The following BTN2A2 variants were observed in gnomAD, a reference collection of about 807,000 sequenced individuals.
BTN2A2 encodes the protein butyrophilin subfamily 2 member A2.
BTN2A2 carries 29 observed loss-of-function variants against 34.7 expected under a neutral mutation model. The ratio of observed to expected loss-of-function variants is 0.84; its 90% CI spans 0.62 to 1.14. The LOEUF (loss-of-function observed/expected upper bound fraction) is 1.14. Among genes scored for constraint, BTN2A2 ranks in the 50% most tolerant of loss-of-function variants. The pLI is 0.00. For missense variants in BTN2A2, 612 were observed against 651.5 expected, an observed-to-expected ratio of 0.94 and a Z score of 0.66; for synonymous variants, 240 against 253.1, an observed-to-expected ratio of 0.95 and a Z score of 0.49.
At position 26,385,240 on chromosome 6, in the gene BTN2A2, TC is replaced by T; in HGVS notation, c.321del (p.Asn108ThrfsTer86). The T allele has an allele frequency of 2.5e-6, 4 of 1,614,064 alleles. No individual in the cohort carries two copies. Among genetic ancestry groups the T allele is most frequent in the Non-Finnish European group, 3.4e-6 (4 of 1,180,018 alleles). ...AGAATCACCTTTGTGAGCAAAGACA[TC>T]AACAGGGGCAGCGTGGCCCTGGTCA... is the stretch of plus-strand genomic sequence containing the variant. ...RGRITFVSKD[I>X]NRGSVALVIH... On this transcript the variant is annotated frameshift_variant, in exon 3 of 8. Coordinates refer to ENST00000356709, the MANE Select transcript of BTN2A2 (RefSeq NM_006995.5). LOFTEE classifies it high-confidence loss of function.
In BTN2A2 at chr6:26,393,367, GGA is replaced by G; in HGVS notation, c.*406_*407del. On this transcript the variant is annotated 3_prime_UTR_variant, in exon 8 of 8. Coordinates refer to ENST00000356709, the MANE Select transcript of BTN2A2 (RefSeq NM_006995.5). ...CAACAGGGTTCACCAGGATGAGAGA[GGA>G]GAGAGGAATCCACAGGACCACCAGA... The G allele has an allele frequency of 8.6e-7, 1 of 1,166,326 alleles. No individual in the cohort carries two copies. The highest frequency in any genetic ancestry group is 1.1e-6 in the Non-Finnish European group (1 of 934,952). The allele number at this position is 1,166,326 out of a possible 1,614,324, so 72.2% of individuals were successfully genotyped here. A position where few individuals can be genotyped will look rare whatever the true frequency, so the allele number is the denominator to read the frequency against.
chr6:26,393,379 C>T lies in BTN2A2; in HGVS notation c.*412C>T. The T allele has an allele frequency of 3.5e-6, 4 of 1,147,330 alleles. No individual in the cohort carries two copies. Among genetic ancestry groups the T allele is most frequent in the Non-Finnish European group, 4.3e-6 (4 of 924,630 alleles). The allele number at this position is 1,147,330 out of a possible 1,614,324, so 71.1% of individuals were successfully genotyped here. A position where few individuals can be genotyped will look rare whatever the true frequency, so the allele number is the denominator to read the frequency against. ...CCAGGATGAGAGAGGAGAGAGGAAT[C>T]CACAGGACCACCAGAAGGGAGAGGG... On this transcript the variant is annotated 3_prime_UTR_variant, in exon 8 of 8. Transcript: ENST00000356709.
Position 26,384,982 on chromosome 6 carries a change from G to A in BTN2A2, c.95-33G>A, listed in dbSNP as rs73736235. On this transcript the variant is annotated intron_variant, in intron 2 of 7. Transcript: ENST00000356709. This position sits in a 1 kb window ranked among gnomAD's most constrained non-coding sequence, Gnocchi z 4.0. ...TTTTGCCTTAGAGTTGTGATAACTG[G>A]CATCCTTGTCTGATTCTGCCCTTGT... 10,067 of 1,588,726 alleles carry A rather than the reference G, an allele frequency of 6.3e-3. 59 individuals carry two copies. The highest frequency in any genetic ancestry group is 0.023 in the African/African-American group (1,736 of 74,254).
rs16891646 is a variant in BTN2A2 at position 26,392,830 on chromosome 6, C to T, written c.1435C>T (p.Pro479Ser). Residue 479 changes from proline to serine, a missense_variant, in exon 8 of 8, where the codon CCT becomes TCT. Coordinates refer to ENST00000356709, the MANE Select transcript of BTN2A2 (RefSeq NM_006995.5). Reference protein sequence around the residue: ...YTCPRSAFTVPVRPFFRLGSD... With the variant: ...YTCPRSAFTVSVRPFFRLGSD... ...ATGTCCCCGTTCAGCCTTTACTGTG[C>T]CTGTGAGGCCCTTCTTCAGGTTAGG... The T allele has an allele frequency of 5.1e-3, 8,163 of 1,614,182 alleles. 190 individuals are homozygous for T. In the African/African-American group the frequency reaches 0.065, roughly 13 times the overall value.
In BTN2A2 at chr6:26,394,534, G is replaced by C. The variant is rs1761772784; in HGVS notation, c.*1567G>C. The C allele has an allele frequency of 2.0e-6, 1 of 511,280 alleles. No individual in the cohort carries two copies. The highest frequency in any genetic ancestry group is 3.5e-6 in the Non-Finnish European group (1 of 288,144). The allele number at this position is 511,280 out of a possible 1,614,324, so 31.7% of individuals were successfully genotyped here. A position where few individuals can be genotyped will look rare whatever the true frequency, so the allele number is the denominator to read the frequency against. ...TGGACATCAGAACTCCTGGCTCTCC[G>C]GCCTTTGAACTTCAGGACTTGTACC... On this transcript the variant is annotated 3_prime_UTR_variant, in exon 8 of 8. Transcript: ENST00000356709.
At chr6:26,390,950 C>T in intron 7 of BTN2A2, 121 bp downstream of exon 7, 1 of 1,486,202 alleles carries the variant, frequency 6.7e-7, no homozygotes, top group Non-Finnish European at 9.4e-7. Flanking sequence ...GAACTGGGGT[C>T]AGTTCATCAA....
intron 4 of BTN2A2, 24 bp downstream of exon 4, chr6:26,388,318 C>G: frequency 6.2e-7 from 1 of 1,611,126 alleles, no homozygotes; most frequent in Non-Finnish European, 8.5e-7. Flanking sequence ...CCTCTGAGAC[C>G]TATCAAGTGT....
intron 3 of BTN2A2, among the ~76,000 whole-genome samples, chr6:26,386,766 T>C (rs765804599): frequency 2.0e-5 from 3 of 152,226 alleles, no homozygotes; most frequent in Non-Finnish European, 2.9e-5. Flanking sequence ...CTTAAATCTA[T>C]TGTGTCATGC....
At chr6:26,389,593 G>A (rs1203532143) in intron 4 of BTN2A2, among the ~76,000 whole-genome samples, 1 of 152,218 alleles carries the variant, frequency 6.6e-6, no homozygotes, top group Non-Finnish European at 1.5e-5. Context: ...GGAAGCATTG[G>A]AAGGTTTTGA....
At chr6:26,391,978 A>C in intron 7 of BTN2A2, 2 of 541,602 alleles carry the variant, frequency 3.7e-6, no homozygotes, top group Non-Finnish European at 6.6e-6. Context: ...GGGGAACAAT[A>C]GGAGATAAAG....
intron 7 of BTN2A2, 66 bp from the exon 8 acceptor site, chr6:26,392,309 A>T (rs1047310256): frequency 1.9e-6 from 3 of 1,612,158 alleles, no homozygotes; most frequent in Non-Finnish European, 2.5e-6. Flanking sequence ...TTCTCTGGGG[A>T]CCAGGAACCA....
In BTN2A2 at chr6:26,383,433, C is replaced by G; in HGVS notation, c.-31+252C>G. On this transcript the variant is annotated intron_variant, in intron 1 of 7. Transcript: ENST00000356709. This position sits in a 1 kb window ranked among gnomAD's most constrained non-coding sequence, Gnocchi z 4.4. ...GGGGACCTGGGAGACAGGAAGCCTA[C>G]TGGTGGGGAGGCGCAGCCTCGCCTG... The G allele has an allele frequency of 4.5e-6, 1 of 221,672 alleles. No homozygotes were observed. Among genetic ancestry groups the G allele is most frequent in the South Asian group, 6.2e-5 (1 of 16,040 alleles). 13.7% of individuals were successfully genotyped at this position (221,672 alleles called of 1,614,324 possible). A position where few individuals can be genotyped will look rare whatever the true frequency, so the allele number is the denominator to read the frequency against.
chr6:26,390,905 G>A, intron 7 of BTN2A2, 76 bp downstream of exon 7: 3 of 1,609,168 alleles, frequency 1.9e-6, no homozygotes, highest in Non-Finnish European at 2.5e-6. Flanking sequence ...TAGAGGAGAT[G>A]AGCAAGGGGC....
chr6:26,385,038 G>C lies in BTN2A2; in HGVS notation c.118G>C (p.Ala40Pro). Reference protein sequence around the residue: ...VSAQFTVVGPANPILAMVGEN... With the variant: ...VSAQFTVVGPPNPILAMVGEN... Reference sequence around the variant, plus strand: ...AGCCCAGTTTACTGTCGTGGGGCCAGCTAATCCCATCCTGGCCATGGTGGG... The same window carrying C: ...AGCCCAGTTTACTGTCGTGGGGCCACCTAATCCCATCCTGGCCATGGTGGG... Residue 40 changes from alanine to proline, a missense_variant, in exon 3 of 8, where the codon GCT becomes CCT. Coordinates refer to ENST00000356709, the MANE Select transcript of BTN2A2 (RefSeq NM_006995.5). 6.2e-7 allele frequency: 1 copy of C among 1,613,878 alleles called. No individual in the cohort carries two copies. Among genetic ancestry groups the C allele is most frequent in the Non-Finnish European group, 8.5e-7 (1 of 1,179,838 alleles).
At chr6:26,392,205 G>A in intron 7 of BTN2A2, 170 bp from the exon 8 acceptor site, 2 of 1,540,580 alleles carry the variant, frequency 1.3e-6, no homozygotes, top group Non-Finnish European at 1.7e-6. Context: ...TAGAAGTGCA[G>A]CTTCCGTAAT....
chr6:26,390,363 C>A, intron 5 of BTN2A2, 152 bp downstream of exon 5: 1 of 814,538 alleles, frequency 1.2e-6, no homozygotes, highest in East Asian at 2.7e-5. Flanking sequence ...CAGCAGCAGC[C>A]ACAAGGGCTT....
In BTN2A2 at chr6:26,393,017, G is replaced by T. The variant is rs370507187; in HGVS notation, c.*50G>T. On this transcript the variant is annotated 3_prime_UTR_variant, in exon 8 of 8. Coordinates refer to ENST00000356709, the MANE Select transcript of BTN2A2 (RefSeq NM_006995.5). Reference sequence around the variant, plus strand: ...ATGCAGATAAGCCCTGGCCATCTCAGCAGCCACCGCACAACCCCCCTAATG... The same window carrying T: ...ATGCAGATAAGCCCTGGCCATCTCATCAGCCACCGCACAACCCCCCTAATG... The T allele has an allele frequency of 4.3e-6, 7 of 1,613,422 alleles. No homozygotes were observed. In the African/African-American group the frequency reaches 9.3e-5, roughly 22 times the overall value.
rs771506121 is a variant in BTN2A2, at chr6:26,390,170, CAG to C, written c.891_892del (p.Glu299LysfsTer4). 6.2e-7 allele frequency: 1 copy of C among 1,613,992 alleles called. No individual in the cohort carries two copies. The highest frequency in any genetic ancestry group is 1.1e-5 in the South Asian group (1 of 91,056). On this transcript the variant is annotated frameshift_variant, in exon 5 of 8. Coordinates refer to ENST00000356709, the MANE Select transcript of BTN2A2 (RefSeq NM_006995.5). LOFTEE classifies it high-confidence loss of function. ...CTTCAAAGGGAAAAAAAGATTCTGT[CAG>C]GGGAAAAGAAAGTTGAACAAGAGGA... is the stretch of plus-strand genomic sequence containing the variant.
In BTN2A2 at chr6:26,392,351, A is replaced by C. The variant is rs750873586; in HGVS notation, c.980-24A>C. On this transcript the variant is annotated intron_variant, in intron 7 of 7. Transcript: ENST00000356709. The stretch of plus-strand genomic sequence containing the variant: ...CCCCAGGGTTCCTGAGACCCCAGGC[A>C]TAAACCTGAGACTTCCTCTGCAGCT... 53 of 1,614,174 alleles carry C rather than the reference A, an allele frequency of 3.3e-5. No individual in the cohort carries two copies. In the Middle Eastern group the frequency reaches 5.0e-4, roughly 15 times the overall value.
Sources: gnomAD v4.1 joint callset for allele counts (sites outside exome capture counted in the v4.1 genomes callset) on GRCh38, gnomAD v4.1.1 for gene constraint, Gnocchi (gnomAD v3.1) non-coding constraint, MANE v1.5 for transcripts, NCBI Gene and HGNC (gene_info 2026-07-23, HGNC 2026-07-21) for gene names.